The following DNAJC7 variants were observed in gnomAD, a reference collection of about 807,000 sequenced individuals.
DNAJC7 encodes the protein dnaJ homolog subfamily C member 7.
Under a neutral mutation model 67.4 loss-of-function variants are expected in DNAJC7, and 18 were observed. The observed-to-expected ratio is 0.27, with a 90% CI of 0.18 to 0.40. The LOEUF (loss-of-function observed/expected upper bound fraction) is 0.40, where lower values mean the gene tolerates loss of function less well. Ranked by LOEUF, DNAJC7 falls within the 10% of genes least tolerant of loss-of-function variation. The pLI is 1.00. For missense variants in DNAJC7, 419 were observed against 613.8 expected (o/e 0.68, Z 3.35); for synonymous variants, 220 against 207.8 (o/e 1.06, Z -0.50).
At chr17:41,989,690 G>A in intron 6 of DNAJC7, 133 bp from the exon 7 acceptor site, 1 of 1,191,098 alleles carries the variant, frequency 8.4e-7, no homozygotes. Flanking sequence ...AGATTCCCAA[G>A]AACTGTTCCC....
intron 5 of DNAJC7, among the ~76,000 whole-genome samples, chr17:41,993,483 A>C (rs1555648081): frequency 1.3e-5 from 2 of 152,096 alleles, no homozygotes; most frequent in Admixed American, 1.3e-4. Context: ...CAAAACAAAA[A>C]CAAAACAAAA....
chr17:41,999,812 C>T (rs887745594), intron 2 of DNAJC7, among the ~76,000 whole-genome samples: 24 of 151,888 alleles, frequency 1.6e-4, no homozygotes, highest in Non-Finnish European at 3.1e-4. Flanking sequence ...AGCCACTGAG[C>T]CTGGCCTATT....
chr17:41,988,690 A>G, intron 8 of DNAJC7, 42 bp downstream of exon 8: 1 of 1,545,698 alleles, frequency 6.5e-7, no homozygotes, highest in East Asian at 2.4e-5. Flanking sequence ...ATGTCCCTTA[A>G]AAATATTTCT....
At chr17:41,993,607 G>C (rs116949261) in intron 5 of DNAJC7, among the ~76,000 whole-genome samples, 1 of 152,246 alleles carries the variant, frequency 6.6e-6, no homozygotes, top group African/African-American at 2.4e-5. Flanking sequence ...AATCTCTCCT[G>C]ATCAGTGGTT....
At chr17:41,994,779 G>T in intron 5 of DNAJC7, 91 bp downstream of exon 5, 1 of 1,051,102 alleles carries the variant, frequency 9.5e-7, no homozygotes, top group Non-Finnish European at 1.5e-6. Context: ...GAGCTTTTGT[G>T]CCATACTACT....
intron 10 of DNAJC7, 147 bp downstream of exon 10, chr17:41,983,416 C>A (rs893734565): frequency 2.8e-6 from 2 of 706,534 alleles, no homozygotes; most frequent in Admixed American, 2.9e-5. Context: ...TGAGCCACCA[C>A]GCCCAGCCTT....
In DNAJC7 at chr17:41,979,249, G is replaced by C. The variant is rs181738204; in HGVS notation, c.1385-1926C>G. ...AGCTACTCAGGAGGCTGAGGCAGGA[G>C]AATTTCTTGAACCTGGGAGGTGGAG... On this transcript the variant is annotated intron_variant, in intron 12 of 13. Coordinates refer to ENST00000457167, the MANE Select transcript of DNAJC7 (RefSeq NM_003315.4). Among the ~76,000 whole-genome samples, 522 of 151,948 alleles carry C rather than the reference G, an allele frequency of 3.4e-3. 1 individual carries two copies. Among genetic ancestry groups the C allele is most frequent in the African/African-American group, 0.012 (509 of 41,404 alleles).
intron 9 of DNAJC7, among the ~76,000 whole-genome samples, chr17:41,986,638 CT>C (rs1259059648): frequency 4.7e-5 from 7 of 149,160 alleles, no homozygotes; most frequent in Admixed American, 4.0e-4. Flanking sequence ...TCAAAGGGTG[CT>C]TTTTTTGTCT....
At chr17:41,988,952 G>A in intron 7 of DNAJC7, 56 bp from the exon 8 acceptor site, 1 of 1,580,362 alleles carries the variant, frequency 6.3e-7, no homozygotes, top group African/African-American at 1.4e-5. Flanking sequence ...TCAGACCATT[G>A]CACAGAGAGG....
chr17:41,996,218 G>A (rs1175665910), intron 4 of DNAJC7, 93 bp downstream of exon 4: 4 of 1,250,350 alleles, frequency 3.2e-6, no homozygotes, highest in South Asian at 1.3e-5. Context: ...GATGGCAGAA[G>A]TGAGACTAGA....
At chr17:41,980,456 G>C (rs1266930694) in intron 12 of DNAJC7, among the ~76,000 whole-genome samples, 1 of 152,230 alleles carries the variant, frequency 6.6e-6, no homozygotes. Context: ...CGCAATCTCA[G>C]CTCACTGCAA....
rs1044530852 is a variant in DNAJC7, at chr17:41,976,438, G to A, written c.*295C>T. Reference sequence around the variant, plus strand: ...TGCAGATGCCAGAGCAAAGGGCCAGGAAGGGTCAAAACATTTTATTCTCTT... The same window carrying A: ...TGCAGATGCCAGAGCAAAGGGCCAGAAAGGGTCAAAACATTTTATTCTCTT... On this transcript the variant is annotated 3_prime_UTR_variant, in exon 14 of 14. Transcript: ENST00000457167. 6.7e-5 allele frequency: 24 copies of A among 356,380 alleles called. No homozygotes were observed. The highest frequency in any genetic ancestry group is 1.1e-4 in the Admixed American group (2 of 18,894). 22.1% of individuals were successfully genotyped at this position (356,380 alleles called of 1,614,324 possible).
intron 5 of DNAJC7, among the ~76,000 whole-genome samples, chr17:41,993,332 G>A (rs556155139): frequency 2.0e-5 from 3 of 152,216 alleles, no homozygotes; most frequent in South Asian, 4.2e-4. Context: ...GGTGGTGGCC[G>A]CCTGTAGTCC....
intron 6 of DNAJC7, 133 bp downstream of exon 6, chr17:41,990,125 TCTTTGA>T: frequency 4.0e-6 from 3 of 753,516 alleles, no homozygotes; most frequent in South Asian, 1.8e-5. Context: ...GCTGGTCTAA[TCTTTGA>T]CTTTAAGTCC....
At chr17:41,993,296 A>G (rs1316656597) in intron 5 of DNAJC7, among the ~76,000 whole-genome samples, 9 of 152,010 alleles carry the variant, frequency 5.9e-5, no homozygotes, top group Non-Finnish European at 8.8e-5. Flanking sequence ...TGTCTCTACT[A>G]AAAACACAAA....
intron 5 of DNAJC7, among the ~76,000 whole-genome samples, chr17:41,991,363 T>C (rs1266337075): frequency 1.3e-5 from 2 of 152,118 alleles, no homozygotes; most frequent in Admixed American, 1.3e-4. Context: ...TTAGTTAACA[T>C]GGACATTCAT....
intron 10 of DNAJC7, among the ~76,000 whole-genome samples, chr17:41,982,984 AAAG>A (rs1555646232): frequency 6.6e-6 from 1 of 151,840 alleles, no homozygotes; most frequent in Non-Finnish European, 1.5e-5. Context: ...GAAAAAGAAA[AAAG>A]AAAATCTACC....
At chr17:41,986,091 G>A (rs1216477890) in intron 9 of DNAJC7, 1 of 113,544 alleles carries the variant, frequency 8.8e-6, no homozygotes, top group East Asian at 3.2e-4. Context: ...GCCGGGCGCG[G>A]TGGCTCACAC....
intron 1 of DNAJC7, among the ~76,000 whole-genome samples, chr17:42,008,660 T>C (rs1555650694): frequency 6.6e-6 from 1 of 152,150 alleles, no homozygotes; most frequent in Admixed American, 6.5e-5. Flanking sequence ...TCCGCCCGCC[T>C]CGGCCTCCCA....
Sources: gnomAD v4.1 joint callset for allele counts (sites outside exome capture counted in the v4.1 genomes callset) on GRCh38, gnomAD v4.1.1 for gene constraint, MANE v1.5 for transcripts, NCBI Gene and HGNC (gene_info 2026-07-23, HGNC 2026-07-21) for gene names.